Variants in MMRN1 observed in about 807,000 individuals in gnomAD.
MMRN1 encodes multimerin 1.
A neutral mutation model predicts 100.7 loss-of-function variants in MMRN1; 94 were observed. That is an observed-to-expected ratio of 0.93 (90% confidence interval 0.79 to 1.11). The LOEUF (loss-of-function observed/expected upper bound fraction) is 1.11. Among genes scored for constraint, MMRN1 ranks in the 50% least tolerant of loss-of-function variants. MMRN1 has a pLI of 0.00. For synonymous variants in MMRN1, 575 were observed against 505.0 expected (o/e 1.14, Z -1.86); for missense variants, 1,606 against 1,439.1 (o/e 1.12, Z -1.88).
At chr4:89,915,198 G>T (rs1721873579) in intron 3 of MMRN1, among the ~76,000 whole-genome samples, 1 of 151,698 alleles carries the variant, frequency 6.6e-6, no homozygotes, top group South Asian at 2.1e-4. Flanking sequence ...TGCATTCCCT[G>T]TAGTTTTGCA....
chr4:89,895,385 A>T lies in MMRN1; in HGVS notation c.414A>T (p.Thr138=), dbSNP rs1198077871. The T allele has an allele frequency of 1.9e-6, 3 of 1,613,802 alleles. No homozygotes were observed. The highest frequency in any genetic ancestry group is 1.7e-5 in the Admixed American group (1 of 59,972). ...AATCAGTGGTCCTTTCCAATTCTAC[A>T]CTGAAATTTCTTCAGAGCTTTGCCA... ...GAESVVLSNS[T]LKFLQSFARK... is the part of the protein sequence containing the mutation. The change falls in exon 1 of 8, where the codon ACA becomes ACT. Residue 138 remains threonine, a synonymous_variant. Coordinates refer to ENST00000264790, the MANE Select transcript of MMRN1 (RefSeq NM_007351.3).
chr4:89,894,060 T>C (rs1371126519), upstream of MMRN1, among the ~76,000 whole-genome samples: 2 of 152,132 alleles, frequency 1.3e-5, no homozygotes, highest in Non-Finnish European at 2.9e-5. Flanking sequence ...GATCCCATTT[T>C]AATTTATTTT....
At chr4:89,941,192 T>C (rs966389159) in intron 6 of MMRN1, among the ~76,000 whole-genome samples, 1 of 152,188 alleles carries the variant, frequency 6.6e-6, no homozygotes, top group Non-Finnish European at 1.5e-5. Flanking sequence ...GCTATCTGCT[T>C]CAATTTAGAG....
At chr4:89,915,473 G>A (rs150825966) in intron 3 of MMRN1, among the ~76,000 whole-genome samples, 1 of 151,540 alleles carries the variant, frequency 6.6e-6, no homozygotes, top group African/African-American at 2.4e-5. Context: ...ACACAGGAAG[G>A]TTTTCTGGTT....
intron 5 of MMRN1, among the ~76,000 whole-genome samples, chr4:89,932,811 C>A (rs1167583365): frequency 6.6e-6 from 1 of 152,148 alleles, no homozygotes; most frequent in African/African-American, 2.4e-5. Context: ...TGATGGGAGG[C>A]ACTGCTGGGA....
rs1184903607 is a variant in MMRN1 at position 89,935,196 on chromosome 4, C to T, written c.1516C>T (p.Leu506Phe). ...AAGAAGCATTCTGTATTATGAATCCCTCAATAAAACTCTTTCTAAATTGAA... is the reference window on the plus strand; with the variant it reads ...AAGAAGCATTCTGTATTATGAATCCTTCAATAAAACTCTTTCTAAATTGAA... ...HSRSILYYES[L>F]NKTLSKLKEV... Residue 506 changes from leucine to phenylalanine, a missense_variant, in exon 6 of 8, where the codon CTC becomes TTC. Transcript: ENST00000264790. The T allele has an allele frequency of 1.2e-6, 2 of 1,613,196 alleles. No individual in the cohort carries two copies. Among genetic ancestry groups the T allele is most frequent in the East Asian group, 2.2e-5 (1 of 44,826 alleles).
intron 3 of MMRN1, 89 bp downstream of exon 3, chr4:89,912,139 G>A (rs773742767): frequency 2.2e-6 from 2 of 928,686 alleles, no homozygotes; most frequent in Admixed American, 3.3e-5. Context: ...TTTGAACCAA[G>A]GTAAATTAAC....
At chr4:89,927,699 A>G in intron 4 of MMRN1, 96 bp from the exon 5 acceptor site, 2 of 1,099,462 alleles carry the variant, frequency 1.8e-6, no homozygotes, top group Non-Finnish European at 2.6e-6. Flanking sequence ...TCCAGCTTAC[A>G]GAAGAAAGGG....
intron 1 of MMRN1, among the ~76,000 whole-genome samples, chr4:89,881,781 C>T (rs923492667): frequency 6.6e-6 from 1 of 151,762 alleles, no homozygotes; most frequent in Non-Finnish European, 1.5e-5. Context: ...GTACTGAATT[C>T]GCTTTGGTTG....
intron 6 of MMRN1, among the ~76,000 whole-genome samples, chr4:89,949,185 TA>T (rs1178770572): frequency 6.6e-6 from 1 of 152,206 alleles, no homozygotes; most frequent in Non-Finnish European, 1.5e-5. Context: ...CAGATAAATC[TA>T]ATTTTTTCCA....
intron 3 of MMRN1, among the ~76,000 whole-genome samples, chr4:89,920,566 C>T (rs529797523): frequency 6.6e-6 from 1 of 152,202 alleles, no homozygotes; most frequent in South Asian, 2.1e-4. Flanking sequence ...GTATGAGACT[C>T]AAGGTTTTCA....
intron 6 of MMRN1, among the ~76,000 whole-genome samples, chr4:89,939,037 A>G (rs1027798953): frequency 1.3e-5 from 2 of 152,136 alleles, no homozygotes; most frequent in Non-Finnish European, 2.9e-5. Flanking sequence ...GATGTCAATC[A>G]TTGGGCAGCT....
intron 1 of MMRN1, among the ~76,000 whole-genome samples, chr4:89,885,605 A>T (rs1185846227): frequency 2.0e-5 from 3 of 152,014 alleles, no homozygotes; most frequent in Non-Finnish European, 2.9e-5. Flanking sequence ...TAGTTTTCTA[A>T]ATGTCTCTTT....
At chr4:89,893,340 G>A (rs1384734776), upstream of MMRN1, among the ~76,000 whole-genome samples, 3 of 151,816 alleles carry the variant, frequency 2.0e-5, no homozygotes, top group South Asian at 2.1e-4. Flanking sequence ...ATACACTTAC[G>A]GAAATAAATG....
intron 3 of MMRN1, among the ~76,000 whole-genome samples, chr4:89,919,108 A>G (rs556923261): frequency 3.5e-4 from 53 of 151,732 alleles, no homozygotes; most frequent in Non-Finnish European, 6.4e-4. Flanking sequence ...GATCAGAATT[A>G]TTATATTAGG....
At position 89,909,385 on chromosome 4, in the gene MMRN1, T is replaced by C. The variant is rs1324842066; in HGVS notation, c.733T>C (p.Cys245Arg). Residue 245 changes from cysteine (C) to arginine (R), a missense_variant, in exon 2 of 8, where the codon TGT becomes CGT. By Grantham distance (180) the Cys-to-Arg change is radical (BLOSUM62 -3). Transcript: ENST00000264790. ...KGPCGWTGGS[C>R]PQRSQKISNP... is the part of the protein sequence containing the mutation. ...ACCTTGTGGCTGGACCGGTGGATCC[T>C]GTCCTCAGAGGTATGTAATATTTCT... 6.2e-7 allele frequency: 1 copy of C among 1,609,216 alleles called. No individual in the cohort carries two copies. The highest frequency in any genetic ancestry group is 1.3e-5 in the African/African-American group (1 of 74,522).
intron 1 of MMRN1, among the ~76,000 whole-genome samples, chr4:89,899,070 C>G (rs185888545): frequency 2.0e-5 from 3 of 152,092 alleles, no homozygotes; most frequent in African/African-American, 7.2e-5. Flanking sequence ...AGAATAAACT[C>G]ATATTTGTTC....
At chr4:89,951,487 C>A in intron 6 of MMRN1, 118 bp from the exon 7 acceptor site, 1 of 1,064,454 alleles carries the variant, frequency 9.4e-7, no homozygotes, top group Non-Finnish European at 1.3e-6. Flanking sequence ...GGCCGTGGAG[C>A]CCATTTTTCT....
chr4:89,935,436 G>A lies in MMRN1; in HGVS notation c.1756G>A (p.Glu586Lys). 6.2e-7 allele frequency: 1 copy of A among 1,613,480 alleles called. No individual in the cohort carries two copies. The highest frequency in any genetic ancestry group is 1.1e-5 in the South Asian group (1 of 91,062). Residue 586 changes from glutamate to lysine, a missense_variant, in exon 6 of 8, where the codon GAG becomes AAG. Coordinates refer to ENST00000264790, the MANE Select transcript of MMRN1 (RefSeq NM_007351.3). ...NLTVSLEMEKESLRGECEDML... is the reference protein window; with the variant it reads ...NLTVSLEMEKKSLRGECEDML... ...CACCGTCTCTTTGGAGATGGAGAAA[G>A]AGTCTCTCAGAGGTGAATGTGAAGA... is the stretch of plus-strand genomic sequence containing the variant.
Sources: gnomAD v4.1 joint callset for allele counts (sites outside exome capture counted in the v4.1 genomes callset) on GRCh38, gnomAD v4.1.1 for gene constraint, MANE v1.5 for transcripts, NCBI Gene and HGNC (gene_info 2026-07-23, HGNC 2026-07-21) for gene names.